Variants in BMPR1B observed in about 807,000 individuals in gnomAD.
The protein encoded by BMPR1B is bone morphogenetic protein receptor type-1B.
A neutral mutation model predicts 59.1 loss-of-function variants in BMPR1B; 12 were observed. The observed-to-expected ratio is 0.20, with a 90% CI of 0.13 to 0.33. BMPR1B has a LOEUF of 0.33. Among genes scored for constraint, BMPR1B ranks in the 10% least tolerant of loss-of-function variants. The pLI is 1.00. For missense variants in BMPR1B, 550 were observed against 610.9 expected (o/e 0.90, Z 1.05); for synonymous variants, 237 against 207.3 (o/e 1.14, Z -1.23).
At chr4:94,990,372 A>G (rs1181166741) in intron 2 of BMPR1B, among the ~76,000 whole-genome samples, 2 of 152,190 alleles carry the variant, frequency 1.3e-5, no homozygotes, top group African/African-American at 2.4e-5. Flanking sequence ...AAAGAAAAAG[A>G]AAATATAAGT....
chr4:95,126,481 A>G (rs1370087688), intron 8 of BMPR1B, among the ~76,000 whole-genome samples: 1 of 152,174 alleles, frequency 6.6e-6, no homozygotes, highest in Admixed American at 6.5e-5. Context: ...TCAAATTCTC[A>G]TTTAGTCCTC....
intron 2 of BMPR1B, among the ~76,000 whole-genome samples, chr4:94,981,707 A>G (rs1408735962): frequency 1.3e-5 from 2 of 152,202 alleles, no homozygotes; most frequent in African/African-American, 4.8e-5. Context: ...AATACACTCT[A>G]AGGAAAGTTA....
At chr4:95,134,817 G>A (rs983749319) in intron 10 of BMPR1B, among the ~76,000 whole-genome samples, 2 of 152,152 alleles carry the variant, frequency 1.3e-5, no homozygotes, top group African/African-American at 4.8e-5. Context: ...TAGATTGCCT[G>A]TTCACTCTGA....
rs560036682 is a variant in BMPR1B, at chr4:94,845,535, G to A, written c.-182-30296G>A. Among the ~76,000 whole-genome samples the A allele has an allele frequency of 3.6e-4, 54 of 152,102 alleles. 1 individual carries two copies. Among genetic ancestry groups the A allele is most frequent in the Admixed American group, 3.1e-3 (48 of 15,282 alleles). On this transcript the variant is annotated intron_variant, in intron 1 of 12. Coordinates refer to ENST00000515059, the MANE Select transcript of BMPR1B (RefSeq NM_001203.3). ...TTTTTTGTATTTTTAGTAGAGACGG[G>A]GTTTCACCATGTTAGCCAGGATGGT...
intron 2 of BMPR1B, among the ~76,000 whole-genome samples, chr4:94,902,249 CAGAGAGAG>C (rs142124519): frequency 0.019 from 1,307 of 68,780 alleles, 14 homozygotes; most frequent in African/African-American, 0.024. Context: ...CACACACACA[CAGAGAGAG>C]AGAGAGAGAG....
chr4:95,023,151 C>T (rs1252082222), intron 3 of BMPR1B, among the ~76,000 whole-genome samples: 8 of 152,096 alleles, frequency 5.3e-5, no homozygotes, highest in Admixed American at 3.9e-4. Flanking sequence ...TATAACCCAA[C>T]GTATTTCCAG....
At chr4:94,921,427 C>T (rs980854559) in intron 2 of BMPR1B, among the ~76,000 whole-genome samples, 36 of 152,050 alleles carry the variant, frequency 2.4e-4, no homozygotes, top group Admixed American at 2.2e-3. Context: ...CTACAGGAAA[C>T]GTAGCTCCAG....
intron 3 of BMPR1B, among the ~76,000 whole-genome samples, chr4:95,060,431 T>G (rs1727273159): frequency 6.6e-6 from 1 of 152,192 alleles, no homozygotes; most frequent in South Asian, 2.1e-4. Flanking sequence ...GATGTGTTGT[T>G]TAATAAAACA....
intron 1 of BMPR1B, among the ~76,000 whole-genome samples, chr4:94,823,653 G>A (rs1724282910): frequency 6.6e-6 from 1 of 152,096 alleles, no homozygotes; most frequent in South Asian, 2.1e-4. Context: ...TATTTACCAG[G>A]GCTGTTTTCT....
intron 3 of BMPR1B, among the ~76,000 whole-genome samples, chr4:95,064,541 C>T (rs996969837): frequency 6.6e-6 from 1 of 152,032 alleles, no homozygotes; most frequent in East Asian, 1.9e-4. Flanking sequence ...TCTTTGGTGC[C>T]GCAAAGACTG....
At chr4:94,961,430 C>A (rs75992589) in intron 2 of BMPR1B, among the ~76,000 whole-genome samples, 4,416 of 152,192 alleles carry the variant, frequency 0.029, 204 homozygotes, top group African/African-American at 0.1. Context: ...TCACTGATTT[C>A]ATTTGTCTTT....
intron 2 of BMPR1B, among the ~76,000 whole-genome samples, chr4:94,939,095 C>T (rs1214178156): frequency 3.9e-5 from 6 of 152,090 alleles, no homozygotes; most frequent in Admixed American, 3.3e-4. Flanking sequence ...GTCCCTTCTG[C>T]CATTTGACAA....
At chr4:95,101,741 A>T (rs2149262469) in intron 3 of BMPR1B, among the ~76,000 whole-genome samples, 1 of 152,254 alleles carries the variant, frequency 6.6e-6, no homozygotes, top group Non-Finnish European at 1.5e-5. Flanking sequence ...GTTTCCTGTA[A>T]ATTTTGTCCA....
intron 1 of BMPR1B, among the ~76,000 whole-genome samples, chr4:94,863,179 G>A (rs528519198): frequency 1.3e-5 from 2 of 152,158 alleles, no homozygotes; most frequent in South Asian, 4.2e-4. Flanking sequence ...GAGACACCGG[G>A]GCCTACTTGA....
At chr4:95,011,157 G>A (rs1219539728) in intron 3 of BMPR1B, among the ~76,000 whole-genome samples, 1 of 151,734 alleles carries the variant, frequency 6.6e-6, no homozygotes, top group African/African-American at 2.4e-5. Flanking sequence ...GGGTCACGGT[G>A]GTTTGTTGTA....
intron 2 of BMPR1B, among the ~76,000 whole-genome samples, chr4:94,901,514 G>A (rs1019616987): frequency 1.9e-4 from 29 of 151,874 alleles, no homozygotes; most frequent in African/African-American, 6.8e-4. Context: ...TACAGAGAAC[G>A]ACCTTGAAGA....
At chr4:95,069,673 CTG>C (rs1728127375) in intron 3 of BMPR1B, among the ~76,000 whole-genome samples, 1 of 152,164 alleles carries the variant, frequency 6.6e-6, no homozygotes, top group African/African-American at 2.4e-5. Flanking sequence ...TCTCCATTGA[CTG>C]TGAGCTGTGA....
chr4:95,138,220 T>A (rs1733953260), intron 10 of BMPR1B, among the ~76,000 whole-genome samples: 1 of 152,230 alleles, frequency 6.6e-6, no homozygotes, highest in South Asian at 2.1e-4. Context: ...TCTTTAAGAA[T>A]GTTGAATATT....
chr4:94,941,120 C>T (rs1729494075), intron 2 of BMPR1B, among the ~76,000 whole-genome samples: 1 of 152,064 alleles, frequency 6.6e-6, no homozygotes, highest in South Asian at 2.1e-4. Context: ...CCTGGTCCTC[C>T]TTTAGGTGAT....
Sources: gnomAD v4.1 joint callset for allele counts (sites outside exome capture counted in the v4.1 genomes callset) on GRCh38, gnomAD v4.1.1 for gene constraint, MANE v1.5 for transcripts, NCBI Gene and HGNC (gene_info 2026-07-23, HGNC 2026-07-21) for gene names.